The following RORA variants were observed in gnomAD, a reference collection of about 807,000 sequenced individuals.
RORA encodes the protein nuclear receptor ROR-alpha.
In RORA, 7 loss-of-function variants were observed where a neutral mutation model predicts 69.5. The ratio of observed to expected loss-of-function variants is 0.10; its 90% confidence interval spans 0.06 to 0.19. The LOEUF (loss-of-function observed/expected upper bound fraction) is 0.19. RORA is among the 10% of genes least tolerant of loss of function. RORA has a pLI of 1.00. For missense variants in RORA, 457 were observed against 663.0 expected, an observed-to-expected ratio of 0.69 and a Z score of 3.41; for synonymous variants, 261 against 240.8, an observed-to-expected ratio of 1.08 and a Z score of -0.78.
At chr15:61,223,187 A>C (rs1186944799) in intron 1 of RORA, among the ~76,000 whole-genome samples, 1 of 151,826 alleles carries the variant, frequency 6.6e-6, no homozygotes, top group Non-Finnish European at 1.5e-5. Flanking sequence ...GGTGGTGCGC[A>C]CCTGTAGTCC....
chr15:60,804,285 C>T (rs1394837931), intron 1 of RORA, among the ~76,000 whole-genome samples: 11 of 43,552 alleles, frequency 2.5e-4, no homozygotes, highest in African/African-American at 8.2e-4. Context: ...CAAACTCCAT[C>T]TCAAAAAAAA....
chr15:60,838,463 C>A (rs1040603633), intron 1 of RORA, among the ~76,000 whole-genome samples: 1 of 152,198 alleles, frequency 6.6e-6, no homozygotes, highest in Non-Finnish European at 1.5e-5. Flanking sequence ...GGTCACCGGG[C>A]CATGGGGCCA....
chr15:61,155,349 T>C (rs1187622088), intron 1 of RORA, among the ~76,000 whole-genome samples: 1 of 152,216 alleles, frequency 6.6e-6, no homozygotes, highest in African/African-American at 2.4e-5. Flanking sequence ...TAAGGTGATT[T>C]TCTATAGCTA....
At chr15:60,800,331 T>C (rs2072561081) in intron 1 of RORA, among the ~76,000 whole-genome samples, 1 of 152,184 alleles carries the variant, frequency 6.6e-6, no homozygotes, top group Non-Finnish European at 1.5e-5. Flanking sequence ...AACCCCTCTG[T>C]AAGTTCTTCT....
chr15:60,716,838 G>A (rs1407613762), intron 1 of RORA, among the ~76,000 whole-genome samples: 2 of 152,224 alleles, frequency 1.3e-5, no homozygotes, highest in South Asian at 2.1e-4. Flanking sequence ...TGGTGCCCCA[G>A]GGAGGGCATG....
At chr15:61,018,506 T>A (rs969324797) in intron 1 of RORA, among the ~76,000 whole-genome samples, 1 of 152,162 alleles carries the variant, frequency 6.6e-6, no homozygotes, top group Non-Finnish European at 1.5e-5. Context: ...TATGTGTATG[T>A]GTAGTGTGTA....
intron 2 of RORA, among the ~76,000 whole-genome samples, chr15:60,615,855 TGA>T (rs1469440936): frequency 6.6e-6 from 1 of 152,188 alleles, no homozygotes; most frequent in Admixed American, 6.5e-5. Flanking sequence ...GGATGGAGGT[TGA>T]GAGGGCTGCT....
Position 61,023,466 on chromosome 15 carries a change from C to T in RORA, c.166+205587G>A, listed in dbSNP as rs1456702297. On this transcript the variant is annotated intron_variant, in intron 1 of 10. Coordinates refer to ENST00000335670, the MANE Select transcript of RORA (RefSeq NM_134261.3). Reference sequence around the variant, plus strand: ...ACCATGGCAATGGTATGGGGGAAACCACCCCCATGATTCAAATTATTTCCT... The same window carrying T: ...ACCATGGCAATGGTATGGGGGAAACTACCCCCATGATTCAAATTATTTCCT... 1.3e-5 allele frequency among the ~76,000 whole-genome samples: 2 copies of T among 152,118 alleles called. 1 individual carries two copies. The highest frequency in any genetic ancestry group is 3.9e-4 in the East Asian group (2 of 5,178).
At chr15:61,030,850 C>T (rs556344754) in intron 1 of RORA, among the ~76,000 whole-genome samples, 22 of 152,124 alleles carry the variant, frequency 1.4e-4, no homozygotes, top group Admixed American at 7.9e-4. Flanking sequence ...TTGAGAAAAA[C>T]GCAAATGATT....
At chr15:60,692,366 T>C (rs1359691573) in intron 1 of RORA, among the ~76,000 whole-genome samples, 7 of 152,226 alleles carry the variant, frequency 4.6e-5, no homozygotes, top group African/African-American at 1.7e-4. Flanking sequence ...ATTTCTTGAC[T>C]AATACTCTTT....
intron 1 of RORA, among the ~76,000 whole-genome samples, chr15:60,968,665 A>ATC (rs1400369528): frequency 4.4e-5 from 6 of 136,118 alleles, no homozygotes; most frequent in Non-Finnish European, 1.0e-4. Context: ...CACAACATAA[A>ATC]TCTTTTTTTT....
intron 2 of RORA, chr15:60,593,097 A>G: frequency 5.9e-6 from 2 of 341,298 alleles, no homozygotes; most frequent in Non-Finnish European, 1.2e-5. Flanking sequence ...CGGGGAGTGG[A>G]GTAAGCTCCT....
chr15:60,900,370 C>T (rs1344885786), intron 1 of RORA, among the ~76,000 whole-genome samples: 1 of 152,172 alleles, frequency 6.6e-6, no homozygotes, highest in African/African-American at 2.4e-5. Context: ...ACACAGACTT[C>T]CTTAAATGGT....
chr15:60,783,778 C>T (rs1026105678), intron 1 of RORA, among the ~76,000 whole-genome samples: 1 of 152,180 alleles, frequency 6.6e-6, no homozygotes, highest in Admixed American at 6.5e-5. Flanking sequence ...CTGGAAGTAC[C>T]TCCAGTAAGG....
At chr15:60,601,421 G>A (rs961254963) in intron 2 of RORA, among the ~76,000 whole-genome samples, 1 of 152,086 alleles carries the variant, frequency 6.6e-6, no homozygotes, top group Non-Finnish European at 1.5e-5. Context: ...AACTCTTGAG[G>A]GAAGTTTATT....
chr15:61,044,749 G>A (rs933877014), intron 1 of RORA, among the ~76,000 whole-genome samples: 1 of 152,174 alleles, frequency 6.6e-6, no homozygotes, highest in East Asian at 1.9e-4. Context: ...TTTCCCAGCA[G>A]CATGTGTATC....
chr15:61,155,568 C>T (rs543254099), intron 1 of RORA, among the ~76,000 whole-genome samples: 15 of 152,038 alleles, frequency 9.9e-5, no homozygotes, highest in Non-Finnish European at 1.5e-4. Context: ...GAGTTGTGGC[C>T]GCAGCCATGG....
At chr15:60,780,773 A>T (rs546172140) in intron 1 of RORA, among the ~76,000 whole-genome samples, 6 of 152,290 alleles carry the variant, frequency 3.9e-5, no homozygotes, top group African/African-American at 1.4e-4. Context: ...GTGTTTCAGG[A>T]ACTATGCATG....
chr15:61,107,815 G>C (rs1254779783), intron 1 of RORA, among the ~76,000 whole-genome samples: 1 of 151,644 alleles, frequency 6.6e-6, no homozygotes, highest in Admixed American at 6.6e-5. Flanking sequence ...CTTCACTCTG[G>C]CTTAAACCTG....
Sources: gnomAD v4.1 joint callset for allele counts (sites outside exome capture counted in the v4.1 genomes callset) on GRCh38, gnomAD v4.1.1 for gene constraint, MANE v1.5 for transcripts, NCBI Gene and HGNC (gene_info 2026-07-23, HGNC 2026-07-21) for gene names.